GPM6A: variants seen among roughly 807,000 people sequenced by gnomAD.
The protein encoded by GPM6A is glycoprotein M6A.
A neutral mutation model predicts 32.1 loss-of-function variants in GPM6A; 7 were observed. The ratio of observed to expected loss-of-function variants is 0.22; its 90% CI spans 0.12 to 0.41. The LOEUF (loss-of-function observed/expected upper bound fraction) is 0.41. GPM6A is among the 10% of genes least tolerant of loss of function. GPM6A has a pLI of 1.00. For synonymous variants in GPM6A, 130 were observed against 123.4 expected (o/e 1.05, Z -0.35); for missense variants, 235 against 347.2 (o/e 0.68, Z 2.57).
At chr4:175,666,227 T>A (rs73018186) in intron 3 of GPM6A, among the ~76,000 whole-genome samples, 7,546 of 152,148 alleles carry the variant, frequency 0.05, 207 homozygotes, top group Non-Finnish European at 0.061. Context: ...GACTGAGAAA[T>A]GTACTTTTGA....
rs538350136 is a variant in GPM6A, at chr4:175,673,503, T to G, written c.387+177A>C. ...GAATCTGAGTATTTGAAACTGAATT[T>G]TCACAAGGAATAATCTTAATTTCAA... On this transcript the variant is annotated intron_variant, in intron 3 of 6. Transcript: ENST00000393658. 2.6e-5 allele frequency among the ~76,000 whole-genome samples: 4 copies of G among 152,274 alleles called. No homozygotes were observed. In the East Asian group the frequency reaches 7.7e-4, roughly 29 times the overall value.
At chr4:175,647,099 T>C (rs1741504113) in intron 4 of GPM6A, among the ~76,000 whole-genome samples, 1 of 152,224 alleles carries the variant, frequency 6.6e-6, no homozygotes, top group Non-Finnish European at 1.5e-5. Context: ...GAGAAGTGCT[T>C]TATGGAAATA....
At chr4:175,950,561 T>C (rs556966177) in intron 1 of GPM6A, among the ~76,000 whole-genome samples, 1 of 152,224 alleles carries the variant, frequency 6.6e-6, no homozygotes, top group African/African-American at 2.4e-5. Flanking sequence ...GCTTCAAAAG[T>C]GGAAAAAAGT....
chr4:175,816,198 T>A (rs952257482), upstream of GPM6A, among the ~76,000 whole-genome samples: 1 of 152,096 alleles, frequency 6.6e-6, no homozygotes, highest in Admixed American at 6.5e-5. Flanking sequence ...CTCTAAAAAA[T>A]AAAATAAAAC....
intron 1 of GPM6A, among the ~76,000 whole-genome samples, chr4:175,713,135 T>C (rs370164866): frequency 6.6e-6 from 1 of 152,184 alleles, no homozygotes; most frequent in East Asian, 1.9e-4. Flanking sequence ...TACTGTAAAA[T>C]GTTTAGCAAA....
At chr4:175,824,914 A>G (rs1735386049) in intron 1 of GPM6A, among the ~76,000 whole-genome samples, 1 of 152,226 alleles carries the variant, frequency 6.6e-6, no homozygotes, top group South Asian at 2.1e-4. Flanking sequence ...CACTGTTTCC[A>G]ATACATTAAA....
At chr4:175,715,467 C>G (rs1404532521) in intron 1 of GPM6A, among the ~76,000 whole-genome samples, 1 of 152,098 alleles carries the variant, frequency 6.6e-6, no homozygotes, top group African/African-American at 2.4e-5. Flanking sequence ...GCTAGCATGC[C>G]TCGAACTGCT....
At chr4:175,988,735 C>T (rs573630557) in intron 1 of GPM6A, among the ~76,000 whole-genome samples, 189 of 152,250 alleles carry the variant, frequency 1.2e-3, no homozygotes, top group African/African-American at 4.4e-3. Context: ...AAACAACAAC[C>T]AACAAAGCAG....
chr4:175,735,763 C>T (rs1404458827), intron 1 of GPM6A, among the ~76,000 whole-genome samples: 2 of 151,956 alleles, frequency 1.3e-5, no homozygotes, highest in African/African-American at 4.8e-5. Flanking sequence ...GGTTTCACCA[C>T]GTTGGTCAGG....
At chr4:175,708,912 T>C (rs1404216644) in intron 1 of GPM6A, among the ~76,000 whole-genome samples, 1 of 152,210 alleles carries the variant, frequency 6.6e-6, no homozygotes, top group Non-Finnish European at 1.5e-5. Context: ...TGTAATTACC[T>C]GCACAGTAAA....
chr4:175,745,512 G>A (rs1332935479), intron 1 of GPM6A, among the ~76,000 whole-genome samples: 1 of 152,180 alleles, frequency 6.6e-6, no homozygotes, highest in African/African-American at 2.4e-5. Context: ...GATGCTAGAA[G>A]AACCCAGATG....
chr4:175,974,179 G>A (rs571131363), intron 1 of GPM6A, among the ~76,000 whole-genome samples: 8 of 152,172 alleles, frequency 5.3e-5, no homozygotes, highest in Admixed American at 3.3e-4. Context: ...GCAATGAGCT[G>A]AGATCATGCT....
chr4:175,997,301 T>C (rs948507169), intron 1 of GPM6A, among the ~76,000 whole-genome samples: 2 of 152,186 alleles, frequency 1.3e-5, no homozygotes, highest in Non-Finnish European at 2.9e-5. Context: ...ATGACTTTTA[T>C]CTTCTTCCGC....
chr4:175,879,148 T>C (rs1048760822), intron 1 of GPM6A, among the ~76,000 whole-genome samples: 10 of 152,242 alleles, frequency 6.6e-5, no homozygotes, highest in African/African-American at 1.9e-4. Context: ...GCCCATATCA[T>C]TATTAGCATT....
At chr4:175,748,045 A>C (rs899267320) in intron 1 of GPM6A, among the ~76,000 whole-genome samples, 1 of 152,148 alleles carries the variant, frequency 6.6e-6, no homozygotes, top group Non-Finnish European at 1.5e-5. Context: ...TTTTATCGTG[A>C]GATTGTAGCA....
intron 3 of GPM6A, among the ~76,000 whole-genome samples, chr4:175,656,241 T>C (rs1239507522): frequency 2.0e-5 from 3 of 152,142 alleles, no homozygotes; most frequent in Non-Finnish European, 2.9e-5. Flanking sequence ...GTAAAATTGG[T>C]ATAAAATGAT....
intron 1 of GPM6A, among the ~76,000 whole-genome samples, chr4:175,745,893 G>T (rs1732084765): frequency 6.6e-6 from 1 of 152,134 alleles, no homozygotes; most frequent in Non-Finnish European, 1.5e-5. Flanking sequence ...GAGTGGCATA[G>T]TCAGATTTAT....
At chr4:175,956,744 C>T (rs1012393101) in intron 1 of GPM6A, among the ~76,000 whole-genome samples, 2 of 152,086 alleles carry the variant, frequency 1.3e-5, no homozygotes, top group African/African-American at 4.8e-5. Flanking sequence ...CAACTGAATA[C>T]TATGTCCCTG....
intron 1 of GPM6A, chr4:175,962,457 C>T (rs138139809): frequency 3.0e-6 from 2 of 657,904 alleles, no homozygotes; most frequent in Non-Finnish European, 5.8e-6. Flanking sequence ...AATAAGGCAA[C>T]CTTTTTTGCT....
Sources: gnomAD v4.1 joint callset for allele counts (sites outside exome capture counted in the v4.1 genomes callset) on GRCh38, gnomAD v4.1.1 for gene constraint, MANE v1.5 for transcripts, NCBI Gene and HGNC (gene_info 2026-07-23, HGNC 2026-07-21) for gene names.